Variants in ANKRD36C observed in about 807,000 individuals in gnomAD.
ANKRD36C encodes the protein ankyrin repeat domain 36C.
In ANKRD36C, 61 loss-of-function variants were observed where a neutral mutation model predicts 276.4. The ratio of observed to expected loss-of-function variants is 0.22; its 90% CI spans 0.18 to 0.27. The LOEUF is 0.27. Among genes scored for constraint, ANKRD36C ranks in the 10% least tolerant of loss-of-function variants. The probability of loss-of-function intolerance (pLI) is 1.00; values close to 1 mark genes in which losing one functional copy is unlikely to be tolerated. For synonymous variants in ANKRD36C, 483 were observed against 680.1 expected, an observed-to-expected ratio of 0.71 and a Z score of 4.51; for missense variants, 1,447 against 2,032.3, an observed-to-expected ratio of 0.71 and a Z score of 5.54.
At chr2:95,965,957 A>T (rs1272603417) in intron 6 of ANKRD36C, among the ~76,000 whole-genome samples, 4 of 151,924 alleles carry the variant, frequency 2.6e-5, no homozygotes, top group African/African-American at 4.8e-5. Context: ...TTTCTTTTTT[A>T]AAAAAAATTT....
downstream of ANKRD36C, among the ~76,000 whole-genome samples, chr2:95,849,727 A>G (rs1675248270): frequency 6.6e-6 from 1 of 152,246 alleles, no homozygotes; most frequent in Non-Finnish European, 1.5e-5. Flanking sequence ...AGAGTCTCAT[A>G]AGGAGCATGT....
At position 95,852,108 on chromosome 2, in the gene ANKRD36C, T is replaced by C; in HGVS notation, c.5219+18A>G. On this transcript the variant is annotated intron_variant, in intron 65 of 66. Coordinates refer to ENST00000456556, the Ensembl canonical transcript of ANKRD36C. ...TTATAAATACTCAAGTTATTTTGTG[T>C]GCTGCTTCAAATTTTACTTTTGTGC... 6.2e-7 allele frequency: 1 copy of C among 1,601,298 alleles called. No individual in the cohort carries two copies. Among genetic ancestry groups the C allele is most frequent in the East Asian group, 2.2e-5 (1 of 44,728 alleles).
At chr2:95,927,345 G>T in intron 27 of ANKRD36C, 36 bp downstream of exon 27, 1 of 1,607,236 alleles carries the variant, frequency 6.2e-7, no homozygotes. Flanking sequence ...AGACTATACA[G>T]TTAATAGTTC....
chr2:95,976,364 C>G (rs1678809128), intron 6 of ANKRD36C, among the ~76,000 whole-genome samples: 1 of 152,136 alleles, frequency 6.6e-6, no homozygotes, highest in African/African-American at 2.4e-5. Flanking sequence ...ACTTGAAACT[C>G]TCGAAATGCG....
chr2:95,857,393 T>C, exon 62 of ANKRD36C: 1 of 1,610,250 alleles, frequency 6.2e-7, no homozygotes. Flanking sequence ...CATCAGCTTC[T>C]ATCCTATATT....
exon 6 of ANKRD36C, chr2:95,978,144 C>T (rs1453217554): frequency 7.8e-7 from 1 of 1,275,868 alleles, no homozygotes. Context: ...TTATAGAAAG[C>T]TCTTCATGTT....
At chr2:95,865,251 C>T (rs1675661768) in intron 60 of ANKRD36C, among the ~76,000 whole-genome samples, 2 of 151,844 alleles carry the variant, frequency 1.3e-5, no homozygotes, top group South Asian at 2.1e-4. Context: ...GGAGTAGATT[C>T]GCTATTGTTA....
intron 48 of ANKRD36C, among the ~76,000 whole-genome samples, chr2:95,888,744 A>C (rs1676263331): frequency 1.3e-5 from 2 of 151,646 alleles, no homozygotes; most frequent in Admixed American, 1.3e-4. Flanking sequence ...CCACTCGTTT[A>C]GCCTTCTGAA....
chr2:95,943,348 G>T (rs929181165), intron 19 of ANKRD36C, among the ~76,000 whole-genome samples: 7 of 151,632 alleles, frequency 4.6e-5, no homozygotes, highest in African/African-American at 1.7e-4. Flanking sequence ...AGCCGGGCGT[G>T]ATGGCGGGCG....
In ANKRD36C at chr2:95,891,817, T is replaced by A; in HGVS notation, c.2784+15A>T. The A allele has an allele frequency of 6.4e-7, 1 of 1,559,620 alleles. No individual in the cohort carries two copies. The highest frequency in any genetic ancestry group is 8.7e-7 in the Non-Finnish European group (1 of 1,151,928). The stretch of plus-strand genomic sequence containing the variant: ...TACATTTACTAGTTCACAATATAAA[T>A]GACAGTTTCATTACCTTCAAGCCTG... On this transcript the variant is annotated intron_variant, in intron 45 of 66. Transcript: ENST00000456556.
chr2:95,853,486 T>A, intron 64 of ANKRD36C: 1 of 325,042 alleles, frequency 3.1e-6, no homozygotes, highest in Non-Finnish European at 5.4e-6. Flanking sequence ...AATGGCAGAA[T>A]GAAAGCCAGA....
chr2:95,980,583 G>A (rs1338375241), intron 5 of ANKRD36C, 65 bp downstream of exon 5: 8 of 1,552,252 alleles, frequency 5.2e-6, no homozygotes, highest in Non-Finnish European at 7.0e-6. Context: ...TATATAAGAT[G>A]CAATTGCTAC....
At chr2:95,883,205 T>A (rs1373561313) in intron 54 of ANKRD36C, among the ~76,000 whole-genome samples, 1 of 152,054 alleles carries the variant, frequency 6.6e-6, no homozygotes, top group Non-Finnish European at 1.5e-5. Context: ...TAATAAATGA[T>A]CAAATTTGAC....
chr2:95,919,047 A>G (rs1677194761), intron 34 of ANKRD36C, among the ~76,000 whole-genome samples: 1 of 135,290 alleles, frequency 7.4e-6, no homozygotes, highest in South Asian at 2.3e-4. Context: ...TGTATCTCTG[A>G]TGCCTAATAG....
intron 52 of ANKRD36C, among the ~76,000 whole-genome samples, chr2:95,884,646 G>C (rs770480347): frequency 1.3e-5 from 2 of 152,086 alleles, no homozygotes; most frequent in East Asian, 1.9e-4. Context: ...TGGATATGCT[G>C]AGTGATGAGG....
intron 42 of ANKRD36C, 122 bp from the exon 53 acceptor site, chr2:95,903,203 T>A (rs1382630974): frequency 6.8e-7 from 1 of 1,464,928 alleles, no homozygotes; most frequent in East Asian, 2.5e-5. Flanking sequence ...CTTTGATGGC[T>A]TCTACTTTGT....
Position 95,903,032 on chromosome 2 carries a change from T to C in ANKRD36C, c.2654-3696A>G, listed in dbSNP as rs200715214. On this transcript the variant is annotated intron_variant, in intron 42 of 66. Transcript: ENST00000456556. ...AGACTATACATTTACTAGTTCACAATATAAATGACAGTTTCATTACCTTCA... is the reference window on the plus strand; with the variant it reads ...AGACTATACATTTACTAGTTCACAACATAAATGACAGTTTCATTACCTTCA... 1.9e-4 allele frequency: 301 copies of C among 1,570,294 alleles called. 10 individuals carry two copies. Among genetic ancestry groups the C allele is most frequent in the Middle Eastern group, 6.9e-4 (3 of 4,330 alleles).
rs1676963953 is a variant in ANKRD36C, at chr2:95,912,537, T to C, written c.2552-102A>G. The C allele has an allele frequency of 1.1e-5, 18 of 1,574,160 alleles. No individual in the cohort carries two copies. The South Asian group carries it at 1.9e-4, about 17-fold the overall frequency. On this transcript the variant is annotated intron_variant, in intron 40 of 66. Transcript: ENST00000456556. ...ATCAACCTCTGACCTCCTGCCTGTA[T>C]TAGTGGAGGCTTTGATGGCTTCTAT...
exon 63 of ANKRD36C, chr2:95,855,984 G>C: frequency 1.2e-6 from 2 of 1,612,868 alleles, no homozygotes. Flanking sequence ...TATCGTTTCT[G>C]CTAATGTTTC....
Sources: allele counts gnomAD v4.1 joint callset (sites outside exome capture counted in the v4.1 genomes callset), GRCh38; gene constraint gnomAD v4.1.1; transcripts MANE v1.5; gene names NCBI Gene and HGNC (gene_info 2026-07-23, HGNC 2026-07-21).